The following ZNF736 variants were observed in gnomAD, a reference collection of about 807,000 sequenced individuals.
ZNF736 encodes KRAB-containing zinc-finger repressor protein.
A neutral mutation model predicts 11.7 loss-of-function variants in ZNF736; 6 were observed. The observed-to-expected ratio is 0.51, with a 90% confidence interval of 0.28 to 1.01. The LOEUF is 1.01. Ranked by LOEUF, ZNF736 falls within the 50% of genes least tolerant of loss-of-function variation. The probability of loss-of-function intolerance (pLI) is 0.09; values close to 1 mark genes in which losing one functional copy is unlikely to be tolerated. For synonymous variants in ZNF736, 139 were observed against 164.7 expected (o/e 0.84, Z 1.19); for missense variants, 444 against 496.0 (o/e 0.90, Z 1.00).
intron 1 of ZNF736, among the ~76,000 whole-genome samples, chr7:64,319,486 T>C (rs1788971234): frequency 1.2e-5 from 1 of 80,296 alleles, no homozygotes; most frequent in African/African-American, 5.7e-5. Flanking sequence ...AAACATTTCT[T>C]CCCTTTTTTT....
chr7:64,319,380 T>TGC (rs1474608842), intron 1 of ZNF736, among the ~76,000 whole-genome samples: 1 of 129,022 alleles, frequency 7.8e-6, no homozygotes. Flanking sequence ...TATATATATA[T>TGC]GCCTGACTAA....
intron 1 of ZNF736, among the ~76,000 whole-genome samples, chr7:64,319,508 T>TTGAGACAGAGTCTTGCTCTG: frequency 7.6e-6 from 1 of 131,754 alleles, no homozygotes; most frequent in Non-Finnish European, 1.6e-5. Flanking sequence ...TTTTTTTTTT[T>TTGAGACAGAGTCTTGCTCTG]TTTTTGAGAC....
intron 3 of ZNF736, 114 bp from the exon 4 acceptor site, chr7:64,347,976 A>T: frequency 1.0e-6 from 1 of 956,104 alleles, no homozygotes; most frequent in Non-Finnish European, 1.5e-6. Context: ...GTCTATAAGA[A>T]TATAGAGCCT....
At chr7:64,346,331 T>C (rs570769602) in intron 3 of ZNF736, among the ~76,000 whole-genome samples, 1 of 143,382 alleles carries the variant, frequency 7.0e-6, no homozygotes, top group South Asian at 2.2e-4. Flanking sequence ...ATTTTGTCTT[T>C]TTTTTTTATT....
At chr7:64,346,615 T>G (rs1279188323) in intron 3 of ZNF736, among the ~76,000 whole-genome samples, 2 of 152,146 alleles carry the variant, frequency 1.3e-5, no homozygotes, top group Non-Finnish European at 2.9e-5. Flanking sequence ...AATTCCAGAT[T>G]CTCTTCTTGT....
intron 1 of ZNF736, among the ~76,000 whole-genome samples, chr7:64,328,254 G>GTTTTT (rs71060587): frequency 6.8e-6 from 1 of 147,416 alleles, no homozygotes; most frequent in Non-Finnish European, 1.5e-5. Flanking sequence ...AGTTGTTTTT[G>GTTTTT]TTTTTTTTTT....
chr7:64,333,300 T>C (rs1188416823), intron 1 of ZNF736, among the ~76,000 whole-genome samples: 1 of 152,196 alleles, frequency 6.6e-6, no homozygotes, highest in Non-Finnish European at 1.5e-5. Context: ...TTTTTCCTTA[T>C]ATACCAGAGC....
chr7:64,326,383 C>G (rs767536481), intron 1 of ZNF736, among the ~76,000 whole-genome samples: 1 of 152,212 alleles, frequency 6.6e-6, no homozygotes, highest in Non-Finnish European at 1.5e-5. Context: ...GCAGAGCAAT[C>G]AGCCATTCCA....
At position 64,348,686 on chromosome 7, in the gene ZNF736, C is replaced by G; in HGVS notation, c.823C>G (p.His275Asp). ...TAAGTGCTTCTCAGACCTTACTAATCATAAGAGAATTCATACTGGAGAGAA... is the reference window on the plus strand; with the variant it reads ...TAAGTGCTTCTCAGACCTTACTAATGATAAGAGAATTCATACTGGAGAGAA... ...AFKCFSDLTN[H>D]KRIHTGEKPY... The change falls in exon 4 of 4, where the codon CAT becomes GAT. Residue 275 changes from histidine (H) to aspartate (D), a missense_variant. Physicochemically the swap from His to Asp is moderately conservative, Grantham distance 81. Transcript: ENST00000423484. The G allele has an allele frequency of 1.2e-6, 2 of 1,608,364 alleles. No individual in the cohort carries two copies. The highest frequency in any genetic ancestry group is 1.7e-5 in the Admixed American group (1 of 59,190).
chr7:64,330,316 C>T (rs553833258), intron 1 of ZNF736, among the ~76,000 whole-genome samples: 8 of 152,218 alleles, frequency 5.3e-5, no homozygotes, highest in South Asian at 2.1e-4. Flanking sequence ...ACCACCGCGC[C>T]GGCTAATTTT....
rs1305108305 is a variant in ZNF736 at position 64,348,505 on chromosome 7, A to G, written c.642A>G (p.Ser214=). 1 of 1,568,224 alleles carries G rather than the reference A, an allele frequency of 6.4e-7. No homozygotes were observed. The change falls in exon 4 of 4, where the codon TCA becomes TCG. Residue 214 remains serine (S), a synonymous_variant. Coordinates refer to ENST00000423484, the MANE Select transcript of ZNF736 (RefSeq NM_001170905.3). ...EECGKAFKKF[S]NLTEHKRVHT... ...GTGGCAAAGCGTTTAAAAAGTTTTC[A>G]AACCTTACTGAACATAAGAGAGTTC...
At chr7:64,321,413 G>GT (rs1398806173) in intron 1 of ZNF736, among the ~76,000 whole-genome samples, 3 of 152,140 alleles carry the variant, frequency 2.0e-5, no homozygotes, top group African/African-American at 7.2e-5. Flanking sequence ...AAACAGCTGT[G>GT]TTTTTTAAAG....
chr7:64,340,598 A>T (rs1471557352), intron 3 of ZNF736, among the ~76,000 whole-genome samples: 1 of 152,096 alleles, frequency 6.6e-6, no homozygotes. Flanking sequence ...TTTGAGAAGG[A>T]GTCTCACTAT....
chr7:64,320,702 G>GTT (rs932497558), intron 1 of ZNF736, among the ~76,000 whole-genome samples: 5 of 151,406 alleles, frequency 3.3e-5, no homozygotes, highest in African/African-American at 9.7e-5. Context: ...CATTTAAAAG[G>GTT]TTTTTTTTTG....
rs1238296076 is a variant in ZNF736 at position 64,348,128 on chromosome 7, C to T, written c.265C>T (p.His89Tyr). 5 of 1,541,746 alleles carry T rather than the reference C, an allele frequency of 3.2e-6. No individual in the cohort carries two copies. The highest frequency in any genetic ancestry group is 3.5e-6 in the Non-Finnish European group (4 of 1,144,122). Residue 89 changes from histidine to tyrosine, a missense_variant, in exon 4 of 4, where the codon CAT becomes TAT. Transcript: ENST00000423484. ...TTTTACTGCAGAGATATTGCCGGAT[C>T]ATGACATAAAAGATTCATTTCAAAA... Reference protein sequence around the residue: ...FHFTAEILPDHDIKDSFQKVI... With the variant: ...FHFTAEILPDYDIKDSFQKVI...
chr7:64,337,626 C>A (rs574958647), intron 3 of ZNF736, among the ~76,000 whole-genome samples: 46 of 152,172 alleles, frequency 3.0e-4, no homozygotes, highest in Admixed American at 1.4e-3. Flanking sequence ...TAAATATGGC[C>A]AAATTCCTCA....
In ZNF736 at chr7:64,355,179, TG is replaced by T; in HGVS notation, c.*6037del. On this transcript the variant is annotated 3_prime_UTR_variant, in exon 4 of 4. Transcript: ENST00000423484. The stretch of plus-strand genomic sequence containing the variant: ...TATGTTTCTACATTTAAACATCTAC[TG>T]GGGGAGGCAGAGGCCAATTCTATGC... The T allele has an allele frequency of 1.2e-5, 2 of 164,096 alleles. No homozygotes were observed. The highest frequency in any genetic ancestry group is 5.8e-4 in the Middle Eastern group (1 of 1,712). 10.2% of individuals were successfully genotyped at this position (164,096 alleles called of 1,614,324 possible).
intron 1 of ZNF736, among the ~76,000 whole-genome samples, chr7:64,326,266 T>G (rs1378167722): frequency 6.6e-6 from 1 of 152,214 alleles, no homozygotes; most frequent in Non-Finnish European, 1.5e-5. Context: ...GGCTTTTCTC[T>G]CTTTGGCTTG....
chr7:64,334,398 G>A lies in ZNF736; in HGVS notation c.4-1861G>A, dbSNP rs143480919. Reference sequence around the variant, plus strand: ...GAAAATTTTTGCAATATATGCATCCGACAAAGGGCAAATACCCAGAATCTA... The same window carrying A: ...GAAAATTTTTGCAATATATGCATCCAACAAAGGGCAAATACCCAGAATCTA... On this transcript the variant is annotated intron_variant, in intron 1 of 3. Coordinates refer to ENST00000423484, the MANE Select transcript of ZNF736 (RefSeq NM_001170905.3). Among the ~76,000 whole-genome samples the A allele has an allele frequency of 2.8e-3, 424 of 152,200 alleles. 4 individuals are homozygous for A. The highest frequency in any genetic ancestry group is 0.026 in the East Asian group (136 of 5,182).
Sources: gnomAD v4.1 joint callset for allele counts (sites outside exome capture counted in the v4.1 genomes callset) on GRCh38, gnomAD v4.1.1 for gene constraint, MANE v1.5 for transcripts, NCBI Gene and HGNC (gene_info 2026-07-23, HGNC 2026-07-21) for gene names.